Variants in COL19A1 observed in about 807,000 individuals in gnomAD.
COL19A1 encodes collagen alpha-1(XIX) chain.
In COL19A1, 159 loss-of-function variants were observed where a neutral mutation model predicts 190.2. That is an observed-to-expected ratio of 0.84 (90% confidence interval 0.73 to 0.95). COL19A1 has a LOEUF of 0.95. Ranked by LOEUF, COL19A1 falls within the 40% of genes least tolerant of loss-of-function variation. The pLI, the probability that COL19A1 is intolerant of heterozygous loss-of-function variation, is 0.00. For synonymous variants in COL19A1, 509 were observed against 458.9 expected, an observed-to-expected ratio of 1.11 and a Z score of -1.39; for missense variants, 1,418 against 1,431.9, an observed-to-expected ratio of 0.99 and a Z score of 0.16.
intron 14 of COL19A1, among the ~76,000 whole-genome samples, chr6:70,045,273 T>C (rs1779845825): frequency 7.6e-6 from 1 of 131,978 alleles, no homozygotes; most frequent in Admixed American, 8.9e-5. Context: ...AAACATACCA[T>C]GGCACTCCAG....
intron 27 of COL19A1, among the ~76,000 whole-genome samples, chr6:70,147,437 C>T (rs1190697805): frequency 1.3e-5 from 2 of 151,976 alleles, no homozygotes; most frequent in Non-Finnish European, 2.9e-5. Flanking sequence ...CCACTATATC[C>T]ACACTTGTAG....
chr6:70,039,850 C>T (rs1020325562), intron 14 of COL19A1, among the ~76,000 whole-genome samples: 2 of 151,464 alleles, frequency 1.3e-5, no homozygotes, highest in Admixed American at 6.6e-5. Flanking sequence ...GCAGCCTTGA[C>T]CTCATGGGCT....
chr6:70,083,807 G>A (rs541740880), intron 15 of COL19A1, among the ~76,000 whole-genome samples: 370 of 152,226 alleles, frequency 2.4e-3, no homozygotes, highest in Admixed American at 4.1e-3. Context: ...ATAAAGCAAG[G>A]ATAACATGTT....
At chr6:70,109,499 T>C (rs1474248254) in intron 16 of COL19A1, among the ~76,000 whole-genome samples, 4 of 151,296 alleles carry the variant, frequency 2.6e-5, no homozygotes, top group East Asian at 1.9e-4. Context: ...AGTGGAGAGA[T>C]ACACGTAGCC....
In COL19A1 at chr6:69,915,999, C is replaced by T. The variant is rs188642773; in HGVS notation, c.267-11910C>T. Among the ~76,000 whole-genome samples, 675 of 145,400 alleles carry T rather than the reference C, an allele frequency of 4.6e-3. 4 individuals carry two copies. Among genetic ancestry groups the T allele is most frequent in the Middle Eastern group, 0.011 (3 of 266 alleles). On this transcript the variant is annotated intron_variant, in intron 4 of 50. Coordinates refer to ENST00000620364, the MANE Select transcript of COL19A1 (RefSeq NM_001858.6). ...TCGCCCAGGCTGGAGTGCAGTGGCG[C>T]GATCTCAGCTCACTGCAAGCTCTGC...
chr6:69,909,833 G>C (rs1202133566), intron 4 of COL19A1, among the ~76,000 whole-genome samples: 1 of 152,056 alleles, frequency 6.6e-6, no homozygotes, highest in Admixed American at 6.6e-5. Flanking sequence ...TAGGTAATAG[G>C]CCTCTCATAT....
intron 12 of COL19A1, among the ~76,000 whole-genome samples, chr6:70,029,766 T>C (rs1043914201): frequency 1.3e-5 from 2 of 152,216 alleles, no homozygotes; most frequent in African/African-American, 4.8e-5. Context: ...ACTTCTCAAT[T>C]GCATTTTATC....
rs187432546 is a variant in COL19A1, at chr6:69,946,142, G to A, written c.936+8042G>A. On this transcript the variant is annotated intron_variant, in intron 9 of 50. Transcript: ENST00000620364. ...ATTTCCTGACCTACTTGAATTGAAA[G>A]CATCGGATAGGATGTAGCTTTTAAC... 1.5e-3 allele frequency among the ~76,000 whole-genome samples: 230 copies of A among 151,918 alleles called. 2 individuals carry two copies. In the South Asian group the frequency reaches 0.015, roughly 10 times the overall value.
intron 11 of COL19A1, among the ~76,000 whole-genome samples, chr6:70,006,870 G>A (rs1264782223): frequency 2.0e-5 from 3 of 151,926 alleles, no homozygotes; most frequent in African/African-American, 7.2e-5. Context: ...TTAAGTCAAT[G>A]TTAACTGGAA....
chr6:70,171,948 T>C lies in COL19A1; in HGVS notation c.2569-16T>C. Reference sequence around the variant, plus strand: ...TTGATTATTGCTCCTGCATTTCTTATGTTCATATTTAACAGGGAGAGCCTG... The same window carrying C: ...TTGATTATTGCTCCTGCATTTCTTACGTTCATATTTAACAGGGAGAGCCTG... On this transcript the variant is annotated splice_polypyrimidine_tract_variant and intron_variant, in intron 40 of 50. Coordinates refer to ENST00000620364, the MANE Select transcript of COL19A1 (RefSeq NM_001858.6). 1 of 1,612,078 alleles carries C rather than the reference T, an allele frequency of 6.2e-7. No individual in the cohort carries two copies. The highest frequency in any genetic ancestry group is 8.5e-7 in the Non-Finnish European group (1 of 1,178,892).
In COL19A1 at chr6:70,210,413, C is replaced by A. The variant is rs1016677264; in HGVS notation, c.*3139C>A. On this transcript the variant is annotated 3_prime_UTR_variant, in exon 51 of 51. Coordinates refer to ENST00000620364, the MANE Select transcript of COL19A1 (RefSeq NM_001858.6). ...GTAACACAAACACAGCAAGTTTTAA[C>A]CTTTTAAACTTTTCACTTTGTGAGC... is the stretch of plus-strand genomic sequence containing the variant. Among the ~76,000 whole-genome samples the A allele has an allele frequency of 2.6e-5, 4 of 152,144 alleles. No homozygotes were observed. The highest frequency in any genetic ancestry group is 9.6e-5 in the African/African-American group (4 of 41,452).
At chr6:70,116,790 T>A (rs1202519059) in intron 16 of COL19A1, among the ~76,000 whole-genome samples, 2 of 152,210 alleles carry the variant, frequency 1.3e-5, no homozygotes, top group East Asian at 3.8e-4. Flanking sequence ...AGAAAAGCGA[T>A]TTTTTAGCAC....
At chr6:69,890,560 A>C (rs1769275740) in intron 2 of COL19A1, 1 of 152,220 alleles carries the variant, frequency 6.6e-6, no homozygotes, top group Admixed American at 6.5e-5. Context: ...CAGTATGACT[A>C]AGTTTACCAG....
At chr6:69,980,599 T>C (rs1222580510) in intron 11 of COL19A1, among the ~76,000 whole-genome samples, 1 of 152,110 alleles carries the variant, frequency 6.6e-6, no homozygotes, top group Non-Finnish European at 1.5e-5. Context: ...AAGTAGGAAA[T>C]AATTGTTCTG....
chr6:70,109,605 T>G (rs1208894152), intron 16 of COL19A1, among the ~76,000 whole-genome samples: 2 of 151,146 alleles, frequency 1.3e-5, no homozygotes. Context: ...TTTGATTTTT[T>G]TATGTGATGA....
intron 15 of COL19A1, among the ~76,000 whole-genome samples, chr6:70,100,473 A>G (rs922946714): frequency 6.6e-6 from 1 of 152,072 alleles, no homozygotes; most frequent in East Asian, 1.9e-4. Context: ...CATGGTTTAG[A>G]TCTATAAAAT....
chr6:70,196,127 T>C (rs1343761280), intron 48 of COL19A1, among the ~76,000 whole-genome samples: 1 of 152,212 alleles, frequency 6.6e-6, no homozygotes, highest in Non-Finnish European at 1.5e-5. Context: ...ATGATGCTGT[T>C]GAATTAACAG....
At chr6:70,133,344 C>A (rs1404292912) in intron 18 of COL19A1, among the ~76,000 whole-genome samples, 1 of 152,166 alleles carries the variant, frequency 6.6e-6, no homozygotes, top group Non-Finnish European at 1.5e-5. Flanking sequence ...ATATACACAC[C>A]AGTCACCCCT....
intron 48 of COL19A1, among the ~76,000 whole-genome samples, chr6:70,195,162 TAA>T (rs60238474): frequency 7.5e-5 from 11 of 145,744 alleles, no homozygotes; most frequent in Admixed American, 4.1e-4. Context: ...TATATATATA[TAA>T]AGAGTTAAAA....
Sources: allele counts gnomAD v4.1 joint callset (sites outside exome capture counted in the v4.1 genomes callset), GRCh38; gene constraint gnomAD v4.1.1; transcripts MANE v1.5; gene names NCBI Gene and HGNC (gene_info 2026-07-23, HGNC 2026-07-21).